The following SCNN1B variants were observed in gnomAD, a reference collection of about 807,000 sequenced individuals.
SCNN1B encodes epithelial sodium channel subunit beta.
In SCNN1B, 46 loss-of-function variants were observed where a neutral mutation model predicts 65.3. That is an observed-to-expected ratio of 0.70 (90% CI 0.56 to 0.90). SCNN1B has a LOEUF of 0.90. Among genes scored for constraint, SCNN1B ranks in the 40% least tolerant of loss-of-function variants. SCNN1B has a pLI of 0.00. For missense variants in SCNN1B, 751 were observed against 830.5 expected, an observed-to-expected ratio of 0.90 and a Z score of 1.18; for synonymous variants, 349 against 330.6, an observed-to-expected ratio of 1.06 and a Z score of -0.60.
In SCNN1B at chr16:23,352,791, C is replaced by T. The variant is rs750029941; in HGVS notation, c.312-10C>T. 1.9e-6 allele frequency: 3 copies of T among 1,614,002 alleles called. No homozygotes were observed. The highest frequency in any genetic ancestry group is 2.2e-5 in the South Asian group (2 of 91,070). On this transcript the variant is annotated splice_polypyrimidine_tract_variant and intron_variant, in intron 2 of 12. Transcript: ENST00000343070. ...ATTCCTTCCCCCTAACCAGCCCTCT[C>T]CCCATCCAGGTATTCCAAAATCAAG... is the stretch of plus-strand genomic sequence containing the variant.
At chr16:23,331,277 A>G (rs977480795) in intron 1 of SCNN1B, among the ~76,000 whole-genome samples, 11 of 150,926 alleles carry the variant, frequency 7.3e-5, no homozygotes, top group African/African-American at 2.7e-4. Flanking sequence ...TCTTTTCCCA[A>G]CAGCCCAGAT....
intron 1 of SCNN1B, among the ~76,000 whole-genome samples, chr16:23,334,550 C>T (rs1961896611): frequency 6.6e-6 from 1 of 152,200 alleles, no homozygotes; most frequent in Non-Finnish European, 1.5e-5. Context: ...AACCCTGAGG[C>T]ACACCCGTCT....
Position 23,377,200 on chromosome 16 carries a change from CAGAG to C in SCNN1B, c.1312_1315del (p.Glu438ProfsTer17). ...CTCAGATCTACAGATGAGCGTGGCGCAGAGAGAGACCTGCATTGGCATGTGCAAG... is the reference window on the plus strand; with the variant it reads ...CTCAGATCTACAGATGAGCGTGGCGCAGAGACCTGCATTGGCATGTGCAAG... On this transcript the variant is annotated frameshift_variant, in exon 9 of 13. Transcript: ENST00000343070. LOFTEE classifies it high-confidence loss of function. 6.2e-6 allele frequency: 10 copies of C among 1,614,220 alleles called. No individual in the cohort carries two copies. The highest frequency in any genetic ancestry group is 8.5e-6 in the Non-Finnish European group (10 of 1,180,032).
chr16:23,348,814 G>A lies in SCNN1B; in HGVS notation c.215G>A (p.Arg72Lys), dbSNP rs1962244511. 2 of 1,614,168 alleles carry A rather than the reference G, an allele frequency of 1.2e-6. No individual in the cohort carries two copies. The highest frequency in any genetic ancestry group is 1.7e-6 in the Non-Finnish European group (2 of 1,180,044). The change falls in exon 2 of 13, where the codon AGG becomes AAG. Residue 72 changes from arginine (R) to lysine (K), a missense_variant. Transcript: ENST00000343070. The surrounding 1 kb of genome is among the most constrained non-coding windows in gnomAD (Gnocchi z 4.5). ...TGCTGGCAGTGGGGCATCTTCATCA[G>A]GACCTACTTGAGCTGGGAGGTCAGC... The part of the protein sequence containing the change: ...LVCWQWGIFI[R>K]TYLSWEVSVS...
intron 8 of SCNN1B, among the ~76,000 whole-genome samples, chr16:23,376,234 C>T (rs577642089): frequency 1.3e-5 from 2 of 152,324 alleles, no homozygotes; most frequent in Non-Finnish European, 1.5e-5. Context: ...TCCATGCTTG[C>T]GTCCAAATGC....
At chr16:23,353,157 T>A in intron 3 of SCNN1B, 83 bp downstream of exon 3, 2 of 1,465,098 alleles carry the variant, frequency 1.4e-6, no homozygotes, top group Non-Finnish European at 1.9e-6. Flanking sequence ...GTAATTTGAG[T>A]CTCGCTGGGG....
At chr16:23,360,216 A>AT (rs1761859209) in intron 4 of SCNN1B, among the ~76,000 whole-genome samples, 1 of 151,350 alleles carries the variant, frequency 6.6e-6, no homozygotes, top group African/African-American at 2.4e-5. Context: ...AAATAAATAA[A>AT]TAAATAAATA....
intron 3 of SCNN1B, among the ~76,000 whole-genome samples, chr16:23,354,154 G>A (rs556558863): frequency 3.3e-5 from 5 of 152,316 alleles, no homozygotes; most frequent in African/African-American, 1.2e-4. Context: ...ATCTGCTGTG[G>A]TCACACCTTC....
At chr16:23,367,818 G>T (rs758959196) in intron 4 of SCNN1B, 38 bp from the exon 5 acceptor site, 191 of 1,508,550 alleles carry the variant, frequency 1.3e-4, no homozygotes, top group Non-Finnish European at 1.7e-4. Context: ...CATTGCCTGT[G>T]GTGGAACCTG....
At chr16:23,364,783 A>G (rs1167549324) in intron 4 of SCNN1B, among the ~76,000 whole-genome samples, 1 of 152,076 alleles carries the variant, frequency 6.6e-6, no homozygotes, top group African/African-American at 2.4e-5. Flanking sequence ...TGAGGTCAGG[A>G]GTTCAAGACC....
intron 1 of SCNN1B, among the ~76,000 whole-genome samples, chr16:23,319,790 C>A (rs531075671): frequency 6.6e-6 from 1 of 151,662 alleles, no homozygotes; most frequent in Non-Finnish European, 1.5e-5. Context: ...TTTTTTGACA[C>A]AGGGTCTTGC....
chr16:23,333,155 A>G (rs1355427153), intron 1 of SCNN1B, among the ~76,000 whole-genome samples: 1 of 88,830 alleles, frequency 1.1e-5, no homozygotes, highest in African/African-American at 4.9e-5. Context: ...GGAAAGAAGG[A>G]AGGAAGGAAG....
At chr16:23,318,804 T>C (rs528733838) in intron 1 of SCNN1B, among the ~76,000 whole-genome samples, 1 of 152,260 alleles carries the variant, frequency 6.6e-6, no homozygotes, top group African/African-American at 2.4e-5. Flanking sequence ...GAGTCACCCA[T>C]AGGAAGGCAG....
At position 23,339,817 on chromosome 16, in the gene SCNN1B, T is replaced by C. The variant is rs575951062; in HGVS notation, c.-8-8775T>C. On this transcript the variant is annotated intron_variant, in intron 1 of 12. Coordinates refer to ENST00000343070, the MANE Select transcript of SCNN1B (RefSeq NM_000336.3). ...CCTGACCTCAAGTGATCCACCCACCTTGACCTCCCAAAGTATTGGGATTAC... is the reference window on the plus strand; with the variant it reads ...CCTGACCTCAAGTGATCCACCCACCCTGACCTCCCAAAGTATTGGGATTAC... Among the ~76,000 whole-genome samples, 6 of 152,240 alleles carry C rather than the reference T, an allele frequency of 3.9e-5. No homozygotes were observed. In the South Asian group the frequency reaches 1.2e-3, roughly 32 times the overall value.
intron 1 of SCNN1B, among the ~76,000 whole-genome samples, chr16:23,319,167 C>T (rs140188158): frequency 0.021 from 3,163 of 151,956 alleles, 78 homozygotes; most frequent in Admixed American, 0.075. Context: ...CAGCCTCCTG[C>T]GTAGCTGGGA....
intron 2 of SCNN1B, among the ~76,000 whole-genome samples, chr16:23,286,914 G>T (rs904242030): frequency 6.6e-6 from 1 of 151,912 alleles, no homozygotes; most frequent in Non-Finnish European, 1.5e-5. Flanking sequence ...AACACAGAAA[G>T]AGCCCGTCTC....
Position 23,317,652 on chromosome 16 carries a change from C to T in SCNN1B, c.-9+15215C>T, listed in dbSNP as rs72652296. ...TTCCTGCTCCTGTCCCAAAGGGTTC[C>T]CCAGAGCGGCTGGCACACACCTCCA... On this transcript the variant is annotated intron_variant, in intron 1 of 12. Coordinates refer to ENST00000343070, the MANE Select transcript of SCNN1B (RefSeq NM_000336.3). Among the ~76,000 whole-genome samples, 938 of 152,268 alleles carry T rather than the reference C, an allele frequency of 6.2e-3. 14 individuals are homozygous for T. The highest frequency in any genetic ancestry group is 0.029 in the South Asian group (139 of 4,822).
At chr16:23,339,706 C>T (rs776076160) in intron 1 of SCNN1B, among the ~76,000 whole-genome samples, 3 of 152,050 alleles carry the variant, frequency 2.0e-5, no homozygotes, top group Admixed American at 1.3e-4. Context: ...GCTGGGATTA[C>T]AGGCGTGTGG....
At chr16:23,333,034 G>A (rs1961847795) in intron 1 of SCNN1B, among the ~76,000 whole-genome samples, 1 of 150,724 alleles carries the variant, frequency 6.6e-6, no homozygotes, top group Non-Finnish European at 1.5e-5. Flanking sequence ...TCGCCCCATT[G>A]CACTCCAGCC....
Sources: gnomAD v4.1 joint callset for allele counts (sites outside exome capture counted in the v4.1 genomes callset) on GRCh38, gnomAD v4.1.1 for gene constraint, Gnocchi (gnomAD v3.1) non-coding constraint, MANE v1.5 for transcripts, NCBI Gene and HGNC (gene_info 2026-07-23, HGNC 2026-07-21) for gene names.